The following C2orf92 variants were observed in gnomAD, a reference collection of about 807,000 sequenced individuals.
C2orf92 encodes the protein chromosome 2 open reading frame 92, also known as uncharacterized protein C2orf92.
intron 2 of C2orf92, chr2:97,675,535 C>T (rs1326128687): frequency 7.3e-6 from 2 of 273,916 alleles, no homozygotes; most frequent in African/African-American, 4.4e-5. Context: ...AATCATTTGC[C>T]ATACACCATG....
At chr2:97,700,980 C>T (rs907492968) in intron 6 of C2orf92, among the ~76,000 whole-genome samples, 174 bp from the exon 7 acceptor site, 2 of 152,206 alleles carry the variant, frequency 1.3e-5, no homozygotes, top group Non-Finnish European at 1.5e-5. Flanking sequence ...ATCCGCCCGC[C>T]TCAGCCTCCC....
chr2:97,695,568 G>T (rs563429181), intron 5 of C2orf92, among the ~76,000 whole-genome samples: 1 of 152,258 alleles, frequency 6.6e-6, no homozygotes, highest in South Asian at 2.1e-4. Context: ...AATAATCATT[G>T]TTTAAGTAAA....
At chr2:97,665,754 TATATATA>T (rs1217135733), upstream of C2orf92, 24 of 110,594 alleles carry the variant, frequency 2.2e-4, no homozygotes, top group African/African-American at 7.3e-4. Context: ...TATATATATA[TATATATA>T]TATATATATA....
At chr2:97,677,244 G>A (rs1559298364) in intron 3 of C2orf92, among the ~76,000 whole-genome samples, 2 of 152,154 alleles carry the variant, frequency 1.3e-5, no homozygotes, top group Non-Finnish European at 2.9e-5. Flanking sequence ...CGCGTATTTT[G>A]ATTGCTGATT....
At chr2:97,688,611 A>G (rs551310405) in intron 3 of C2orf92, among the ~76,000 whole-genome samples, 2 of 152,278 alleles carry the variant, frequency 1.3e-5, no homozygotes, top group Admixed American at 1.3e-4. Context: ...AACAGAAACC[A>G]GAAGAGTTAT....
intron 3 of C2orf92, among the ~76,000 whole-genome samples, chr2:97,681,133 AGAATT>A (rs1332501631): frequency 1.0e-5 from 1 of 100,414 alleles, no homozygotes; most frequent in Non-Finnish European, 1.9e-5. Flanking sequence ...AAAAAAAAAA[AGAATT>A]GTACAGAGGA....
chr2:97,700,719 C>A (rs1331575536), intron 6 of C2orf92, among the ~76,000 whole-genome samples: 1 of 134,342 alleles, frequency 7.4e-6, no homozygotes, highest in African/African-American at 2.5e-5. Context: ...GCTAAGATGC[C>A]AAGGTTTTTT....
chr2:97,687,379 A>G (rs1676000435), intron 3 of C2orf92, among the ~76,000 whole-genome samples: 1 of 152,158 alleles, frequency 6.6e-6, no homozygotes, highest in Non-Finnish European at 1.5e-5. Context: ...AATAAATAGC[A>G]GAAATGGAAA....
intron 5 of C2orf92, among the ~76,000 whole-genome samples, chr2:97,692,407 C>CTTTTTTT (rs755849117): frequency 2.5e-5 from 3 of 119,382 alleles, no homozygotes; most frequent in African/African-American, 6.7e-5. Context: ...AGTTTTACTT[C>CTTTTTTT]TTTTTTTTTT....
At chr2:97,699,240 C>G in intron 6 of C2orf92, 104 bp downstream of exon 6, 1 of 395,328 alleles carries the variant, frequency 2.5e-6, no homozygotes, top group Non-Finnish European at 4.5e-6. Flanking sequence ...ATCTTTAATT[C>G]ACCCGCTAAA....
At chr2:97,670,123 A>G in intron 1 of C2orf92, 1 of 278,042 alleles carries the variant, frequency 3.6e-6, no homozygotes, top group Non-Finnish European at 6.7e-6. Context: ...GCAAAAGTAG[A>G]AAGATTAGTA....
rs148953868 is a variant in C2orf92, at chr2:97,669,903, G to A, written c.46+69G>A. The A allele has an allele frequency of 1.4e-3, 550 of 398,382 alleles. 3 individuals carry two copies. Among genetic ancestry groups the A allele is most frequent in the African/African-American group, 9.0e-3 (438 of 48,728 alleles). 24.7% of individuals were successfully genotyped at this position (398,382 alleles called of 1,614,324 possible). A position where few individuals can be genotyped will look rare whatever the true frequency, so the allele number is the denominator to read the frequency against. On this transcript the variant is annotated intron_variant, in intron 1 of 7. Transcript: ENST00000627399. Reference sequence around the variant, plus strand: ...AAGCCTAAGTGGGGCAGAGGAGGGCGTTCCCTCCCACAGTGTGGGGAACAC... The same window carrying A: ...AAGCCTAAGTGGGGCAGAGGAGGGCATTCCCTCCCACAGTGTGGGGAACAC...
At position 97,702,900 on chromosome 2, in the gene C2orf92, G is replaced by A. The variant is rs1676544855; in HGVS notation, c.*99G>A. 2.5e-6 allele frequency: 1 copy of A among 397,498 alleles called. No individual in the cohort carries two copies. The highest frequency in any genetic ancestry group is 2.1e-5 in the African/African-American group (1 of 48,594). 24.6% of individuals were successfully genotyped at this position (397,498 alleles called of 1,614,324 possible). ...GAGGCAATTCCATTTCTGCCCGGGAGGTGTATTCTACAAAAACGTCTGCTT... is the reference window on the plus strand; with the variant it reads ...GAGGCAATTCCATTTCTGCCCGGGAAGTGTATTCTACAAAAACGTCTGCTT... On this transcript the variant is annotated 3_prime_UTR_variant, in exon 8 of 8. Coordinates refer to ENST00000627399, the MANE Select transcript of C2orf92 (RefSeq NM_001351368.2).
chr2:97,686,078 G>C (rs912867208), intron 3 of C2orf92, among the ~76,000 whole-genome samples: 2 of 152,200 alleles, frequency 1.3e-5, no homozygotes, highest in African/African-American at 4.8e-5. Context: ...AGACTGAGGG[G>C]CCAGCATCTG....
chr2:97,693,157 T>C (rs2104590219), intron 5 of C2orf92, among the ~76,000 whole-genome samples: 1 of 152,338 alleles, frequency 6.6e-6, no homozygotes, highest in Admixed American at 6.5e-5. Context: ...TATGACAGAA[T>C]TTCCTTTCTT....
chr2:97,702,324 A>C (rs1573233876), intron 7 of C2orf92, among the ~76,000 whole-genome samples: 1 of 145,924 alleles, frequency 6.9e-6, no homozygotes, highest in Non-Finnish European at 1.5e-5. Flanking sequence ...CCCAACCCCC[A>C]CCTCCAGCAT....
At chr2:97,697,632 C>T (rs557002877) in intron 5 of C2orf92, among the ~76,000 whole-genome samples, 1 of 152,216 alleles carries the variant, frequency 6.6e-6, no homozygotes, top group African/African-American at 2.4e-5. Flanking sequence ...TCTCTTTTTT[C>T]CAGGAATACC....
At chr2:97,701,483 G>GGCACAGCCTGGGTGATTCTGAT (rs1676495147) in intron 7 of C2orf92, among the ~76,000 whole-genome samples, 179 bp downstream of exon 7, 1 of 152,148 alleles carries the variant, frequency 6.6e-6, no homozygotes, top group Non-Finnish European at 1.5e-5. Flanking sequence ...ATGGGTTTTC[G>GGCACAGCCTGGGTGATTCTGAT]GCACAGCCTG....
chr2:97,684,031 A>ATT (rs1204247684), intron 3 of C2orf92, among the ~76,000 whole-genome samples: 118 of 107,202 alleles, frequency 1.1e-3, no homozygotes, highest in Non-Finnish European at 1.4e-3. Flanking sequence ...TGCCCAGCTA[A>ATT]TTTTTTTTTT....
Sources: allele counts gnomAD v4.1 joint callset (sites outside exome capture counted in the v4.1 genomes callset), GRCh38; gene constraint gnomAD v4.1.1; transcripts MANE v1.5; gene names NCBI Gene and HGNC (gene_info 2026-07-23, HGNC 2026-07-21).